DOCK11: variants seen among roughly 807,000 people sequenced by gnomAD.
The protein encoded by DOCK11 is dedicator of cytokinesis 11.
In DOCK11, 70 loss-of-function variants were observed where a neutral mutation model predicts 169.1. That is an observed-to-expected ratio of 0.41 (90% confidence interval 0.34 to 0.51). The LOEUF is 0.51. Ranked by LOEUF, DOCK11 falls within the 20% of genes least tolerant of loss-of-function variation. The probability of loss-of-function intolerance (pLI) is 0.10; values close to 1 mark genes in which losing one functional copy is unlikely to be tolerated. For missense variants in DOCK11, 1,166 were observed against 1,538.8 expected, an observed-to-expected ratio of 0.76 and a Z score of 4.05; for synonymous variants, 529 against 541.3, an observed-to-expected ratio of 0.98 and a Z score of 0.32.
chrX:118,514,822 G>A (rs897973805), intron 1 of DOCK11, among the ~76,000 whole-genome samples: 15 of 112,363 alleles, frequency 1.3e-4, no homozygotes, highest in Admixed American at 5.6e-4. Flanking sequence ...CTTCTCCATG[G>A]CCACCATATT....
chrX:118,647,354 C>T (rs1175489585), intron 40 of DOCK11, among the ~76,000 whole-genome samples: 2 of 100,654 alleles, frequency 2.0e-5, no homozygotes, highest in Non-Finnish European at 4.0e-5. Flanking sequence ...CCATTTGAGA[C>T]CCATCATTCA....
At chrX:118,681,984 A>G (rs1049520581) in intron 51 of DOCK11, among the ~76,000 whole-genome samples, 190 bp downstream of exon 51, 1 of 112,112 alleles carries the variant, frequency 8.9e-6, no homozygotes, top group Non-Finnish European at 1.9e-5. Context: ...CCTGCAGGAC[A>G]TTAACAATAC....
At chrX:118,624,221 C>T (rs2015042704) in intron 31 of DOCK11, among the ~76,000 whole-genome samples, 1 of 112,850 alleles carries the variant, frequency 8.9e-6, no homozygotes, top group African/African-American at 3.2e-5. Context: ...TGAAGCTCAA[C>T]GCTCACTGGA....
intron 40 of DOCK11, among the ~76,000 whole-genome samples, chrX:118,647,958 T>A (rs2015794388): frequency 2.1e-5 from 1 of 47,213 alleles, no homozygotes; most frequent in African/African-American, 8.8e-5. Context: ...TATAATAATA[T>A]ATAATATATA....
chrX:118,511,867 G>A (rs1407020830), intron 1 of DOCK11, among the ~76,000 whole-genome samples: 2 of 112,067 alleles, frequency 1.8e-5, no homozygotes, highest in African/African-American at 6.5e-5. Context: ...AAATGTTTGT[G>A]AACTGTTGCT....
intron 1 of DOCK11, among the ~76,000 whole-genome samples, chrX:118,532,411 CA>C (rs2011613288): frequency 9.0e-6 from 1 of 110,969 alleles, no homozygotes; most frequent in Non-Finnish European, 1.9e-5. Context: ...CGGTAAAATT[CA>C]GGGCATGATC....
chrX:118,568,420 A>ATATATT, intron 10 of DOCK11, among the ~76,000 whole-genome samples: 1 of 40,512 alleles, frequency 2.5e-5, no homozygotes, highest in East Asian at 7.4e-4. Flanking sequence ...ATATATATAT[A>ATATATT]TATATTTCTC....
At chrX:118,616,572 C>A (rs2014822603) in intron 30 of DOCK11, among the ~76,000 whole-genome samples, 1 of 108,987 alleles carries the variant, frequency 9.2e-6, no homozygotes, top group Admixed American at 9.9e-5. Flanking sequence ...TGTGTGTCTC[C>A]TCTCTCAGGC....
intron 1 of DOCK11, among the ~76,000 whole-genome samples, chrX:118,533,946 ATTCTT>A (rs1416689907): frequency 8.9e-6 from 1 of 112,340 alleles, no homozygotes; most frequent in Non-Finnish European, 1.9e-5. Flanking sequence ...AACTCGTTAA[ATTCTT>A]TGATTTGTTA....
chrX:118,666,654 C>T lies in DOCK11; in HGVS notation c.5076+3862C>T, dbSNP rs148120503. ...AATTGTTTCCAGTTTCAGGCTGTTA[C>T]GAATAAGTCTACTTTAAACATTCCT... On this transcript the variant is annotated intron_variant, in intron 45 of 52. Transcript: ENST00000276202. 6.9e-3 allele frequency among the ~76,000 whole-genome samples: 773 copies of T among 112,071 alleles called. 2 individuals carry two copies. Among genetic ancestry groups the T allele is most frequent in the African/African-American group, 0.024 (731 of 30,845 alleles).
intron 10 of DOCK11, among the ~76,000 whole-genome samples, chrX:118,570,394 G>A (rs139044558): frequency 8.9e-6 from 1 of 112,185 alleles, no homozygotes; most frequent in African/African-American, 3.2e-5. Context: ...GCAGATAAAT[G>A]GGTGGAAATT....
At chrX:118,576,979 G>C (rs1209426050) in intron 12 of DOCK11, among the ~76,000 whole-genome samples, 1 of 112,433 alleles carries the variant, frequency 8.9e-6, no homozygotes, top group Non-Finnish European at 1.9e-5. Flanking sequence ...GGGTGTATGG[G>C]ACTCAGGGCT....
At chrX:118,607,410 G>A (rs181045571) in intron 24 of DOCK11, among the ~76,000 whole-genome samples, 2 of 90,145 alleles carry the variant, frequency 2.2e-5, no homozygotes, top group Non-Finnish European at 4.3e-5. Flanking sequence ...CCACCGTGCC[G>A]GGCCTTCATT....
intron 6 of DOCK11, among the ~76,000 whole-genome samples, chrX:118,555,511 C>G (rs374754945): frequency 9.2e-6 from 1 of 108,917 alleles, no homozygotes; most frequent in Admixed American, 9.8e-5. Flanking sequence ...GAGCTGAGAT[C>G]GTGCCACTGC....
chrX:118,543,343 G>A (rs2012103307), intron 3 of DOCK11, among the ~76,000 whole-genome samples, 168 bp from the exon 4 acceptor site: 1 of 111,831 alleles, frequency 8.9e-6, no homozygotes, highest in Admixed American at 9.5e-5. Context: ...GGGATTTATT[G>A]CCACCAACTG....
intron 40 of DOCK11, among the ~76,000 whole-genome samples, chrX:118,647,689 T>A (rs1345119292): frequency 1.2e-4 from 7 of 56,864 alleles, no homozygotes; most frequent in Admixed American, 3.3e-4. Context: ...TAATATTATA[T>A]TATAATATAA....
intron 35 of DOCK11, among the ~76,000 whole-genome samples, 169 bp downstream of exon 35, chrX:118,630,659 T>G (rs983694988): frequency 9.8e-5 from 11 of 112,301 alleles, no homozygotes; most frequent in Non-Finnish European, 2.1e-4. Flanking sequence ...AACTTCAAAA[T>G]AGGTTCATGT....
In DOCK11 at chrX:118,672,595, A is replaced by G. The variant is rs749435287; in HGVS notation, c.5199+1450A>G. On this transcript the variant is annotated intron_variant, in intron 46 of 52. Coordinates refer to ENST00000276202, the MANE Select transcript of DOCK11 (RefSeq NM_144658.4). ...TTACAGGCGCCCGCCACCGCGCCCGACTAATATTTTTTTGTATTTTTAGTA... is the reference window on the plus strand; with the variant it reads ...TTACAGGCGCCCGCCACCGCGCCCGGCTAATATTTTTTTGTATTTTTAGTA... Among the ~76,000 whole-genome samples the G allele has an allele frequency of 1.9e-3, 210 of 111,632 alleles. 1 individual carries two copies. Among genetic ancestry groups the G allele is most frequent in the Middle Eastern group, 9.4e-3 (2 of 212 alleles).
At chrX:118,610,528 T>C in intron 28 of DOCK11, 110 bp downstream of exon 28, 1 of 889,686 alleles carries the variant, frequency 1.1e-6, no homozygotes, top group Non-Finnish European at 1.5e-6. Flanking sequence ...CATAAGACTG[T>C]TGGAAAACTT....
Sources: gnomAD v4.1 joint callset for allele counts (sites outside exome capture counted in the v4.1 genomes callset) on GRCh38, gnomAD v4.1.1 for gene constraint, MANE v1.5 for transcripts, NCBI Gene and HGNC (gene_info 2026-07-23, HGNC 2026-07-21) for gene names.